Variants in PIK3CD observed in about 807,000 individuals in gnomAD.
The protein encoded by PIK3CD is phosphatidylinositol 4,5-bisphosphate 3-kinase catalytic subunit delta isoform.
Under a neutral mutation model 122.9 loss-of-function variants are expected in PIK3CD, and 20 were observed. The observed-to-expected ratio is 0.16, with a 90% CI of 0.11 to 0.24. The LOEUF (loss-of-function observed/expected upper bound fraction) is 0.24, where lower values mean the gene tolerates loss of function less well. PIK3CD is among the 10% of genes least tolerant of loss of function. The pLI is 1.00. For missense variants in PIK3CD, 787 were observed against 1,406.3 expected, an observed-to-expected ratio of 0.56 and a Z score of 7.04; for synonymous variants, 596 against 593.4, an observed-to-expected ratio of 1.00 and a Z score of -0.06.
intron 1 of PIK3CD, among the ~76,000 whole-genome samples, chr1:9,659,564 C>T (rs905736465): frequency 2.0e-5 from 3 of 152,160 alleles, no homozygotes; most frequent in Admixed American, 6.6e-5. Context: ...GCCCTGGCAG[C>T]CATTCTGCTG....
At position 9,658,258 on chromosome 1, in the gene PIK3CD, C is replaced by T. The variant is rs139846292; in HGVS notation, c.-138+6456C>T. On this transcript the variant is annotated intron_variant, in intron 1 of 23. Transcript: ENST00000377346. ...TAAATTAGCTGGGCCTTGTGATGCA[C>T]GCCTGTAGCCCCAGCTATGTGGAAG... 1.7e-4 allele frequency among the ~76,000 whole-genome samples: 26 copies of T among 151,834 alleles called. No homozygotes were observed. The East Asian group carries it at 2.9e-3, about 17-fold the overall frequency.
At chr1:9,656,847 A>G (rs528140329) in intron 1 of PIK3CD, among the ~76,000 whole-genome samples, 8 of 151,656 alleles carry the variant, frequency 5.3e-5, no homozygotes, top group South Asian at 4.2e-4. Context: ...GGAGGCTGAG[A>G]CAGGAGAATT....
chr1:9,659,934 AGAC>A (rs1264865107), intron 1 of PIK3CD, among the ~76,000 whole-genome samples: 1 of 151,942 alleles, frequency 6.6e-6, no homozygotes, highest in Non-Finnish European at 1.5e-5. Flanking sequence ...TATTTTTTTG[AGAC>A]GGATTTTTGC....
At chr1:9,654,967 G>A (rs1434273146) in intron 1 of PIK3CD, among the ~76,000 whole-genome samples, 1 of 151,952 alleles carries the variant, frequency 6.6e-6, no homozygotes, top group Non-Finnish European at 1.5e-5. Flanking sequence ...CTTGGGAGGT[G>A]GAGGCAGGAG....
the PIK3CD span, among the ~76,000 whole-genome samples, chr1:9,645,127 G>A: frequency 2.0e-5 from 3 of 149,452 alleles, no homozygotes; most frequent in South Asian, 4.2e-4. Context: ...CTGGGTTCAA[G>A]TGATTCTCCT....
the PIK3CD span, among the ~76,000 whole-genome samples, chr1:9,646,313 G>A: frequency 6.6e-6 from 1 of 152,092 alleles, no homozygotes; most frequent in Non-Finnish European, 1.5e-5. Flanking sequence ...TTCATAGTTG[G>A]GACAGCCCGC....
chr1:9,720,630 A>C lies in PIK3CD; in HGVS notation c.1490A>C (p.His497Pro). The change falls in exon 12 of 24, where the codon CAC becomes CCC. Residue 497 changes from histidine (H) to proline (P), a missense_variant. Around this residue, in one of 6 missense-constraint regions of PIK3CD, gnomAD observed 592 missense variants for 920.6 expected, o/e 0.64. Coordinates refer to ENST00000377346, the MANE Select transcript of PIK3CD (RefSeq NM_005026.5). The surrounding 1 kb of genome is among the most constrained non-coding windows in gnomAD (Gnocchi z 9.0). ...TTGCAGATCTTGGAGCTGGGGCGACACAGCGAGTGTGTGCATGTCACCGAG... is the reference window on the plus strand; with the variant it reads ...TTGCAGATCTTGGAGCTGGGGCGACCCAGCGAGTGTGTGCATGTCACCGAG... ...ALEKILELGR[H>P]SECVHVTEEE... 1 of 1,326,366 alleles carries C rather than the reference A, an allele frequency of 7.5e-7. No individual in the cohort carries two copies. Among genetic ancestry groups the C allele is most frequent in the Non-Finnish European group, 9.9e-7 (1 of 1,010,792 alleles). 82.2% of individuals were successfully genotyped at this position (1,326,366 alleles called of 1,614,324 possible).
intron 1 of PIK3CD, among the ~76,000 whole-genome samples, chr1:9,666,220 G>A (rs1326768900): frequency 8.2e-6 from 1 of 122,650 alleles, no homozygotes; most frequent in Non-Finnish European, 1.6e-5. Context: ...GAGCCACCGC[G>A]CCCGGTCTTT....
Position 9,690,670 on chromosome 1 carries a change from G to T in PIK3CD, c.-137-797G>T, listed in dbSNP as rs1011744107. Among the ~76,000 whole-genome samples, 5 of 152,326 alleles carry T rather than the reference G, an allele frequency of 3.3e-5. No individual in the cohort carries two copies. In the South Asian group the frequency reaches 1.0e-3, roughly 32 times the overall value. The stretch of plus-strand genomic sequence containing the variant: ...GATAGAGGCCGCAGGGAGGACTCCA[G>T]CTTGGTCCTTGGGAGATGTGTTCCT... On this transcript the variant is annotated intron_variant, in intron 1 of 23. Coordinates refer to ENST00000377346, the MANE Select transcript of PIK3CD (RefSeq NM_005026.5).
upstream of PIK3CD, chr1:9,651,619 AC>A (rs983006441): frequency 6.6e-6 from 1 of 151,972 alleles, no homozygotes; most frequent in African/African-American, 2.4e-5. Context: ...GCCCTGGAGG[AC>A]CTGTTGTTTT....
chr1:9,677,700 G>A (rs962433915), intron 1 of PIK3CD, among the ~76,000 whole-genome samples: 2 of 151,156 alleles, frequency 1.3e-5, no homozygotes, highest in African/African-American at 4.9e-5. Context: ...ATTATAGGCC[G>A]TGATCTTCCA....
Position 9,721,544 on chromosome 1 carries a change from C to T in PIK3CD, c.1912C>T (p.Leu638=). The part of the protein sequence containing the change: ...ELTKFLLDRA[L]ANRKIGHFLF... ...GACCAAATTCCTGCTGGACCGGGCC[C>T]TGGCCAACCGCAAGATCGGCCACTT... is the stretch of plus-strand genomic sequence containing the variant. The change falls in exon 15 of 24, where the codon CTG becomes TTG. Residue 638 remains leucine (L), a synonymous_variant. Coordinates refer to ENST00000377346, the MANE Select transcript of PIK3CD (RefSeq NM_005026.5). 6.2e-7 allele frequency: 1 copy of T among 1,613,798 alleles called. No homozygotes were observed. Among genetic ancestry groups the T allele is most frequent in the Non-Finnish European group, 8.5e-7 (1 of 1,180,034 alleles).
At chr1:9,713,006 T>A (rs1321206199) in intron 3 of PIK3CD, among the ~76,000 whole-genome samples, 1 of 151,960 alleles carries the variant, frequency 6.6e-6, no homozygotes, top group Non-Finnish European at 1.5e-5. Context: ...ACAAGGTGAA[T>A]CCCCATCTCT....
chr1:9,650,165 T>G (rs1354764748), upstream of PIK3CD, among the ~76,000 whole-genome samples: 1 of 152,166 alleles, frequency 6.6e-6, no homozygotes, highest in Non-Finnish European at 1.5e-5. Context: ...GGTTCACGCC[T>G]GTAATCCCAG....
chr1:9,669,088 G>C (rs1645246197), intron 1 of PIK3CD, among the ~76,000 whole-genome samples: 1 of 152,188 alleles, frequency 6.6e-6, no homozygotes, highest in Non-Finnish European at 1.5e-5. Context: ...AGGTATTTCA[G>C]GGGACAGAAT....
intron 1 of PIK3CD, among the ~76,000 whole-genome samples, chr1:9,680,436 C>A (rs1324909074): frequency 6.6e-6 from 1 of 151,546 alleles, no homozygotes; most frequent in Non-Finnish European, 1.5e-5. Flanking sequence ...ATAGTGAGAC[C>A]CTGTCTCTAT....
chr1:9,668,750 GA>G (rs1315078492), intron 1 of PIK3CD, among the ~76,000 whole-genome samples: 1 of 152,180 alleles, frequency 6.6e-6, no homozygotes, highest in Non-Finnish European at 1.5e-5. Flanking sequence ...GATGGTCCCA[GA>G]AGGGGAGCTG....
Position 9,724,185 on chromosome 1 carries a change from G to C in PIK3CD, c.2719-91G>C. 3.7e-6 allele frequency: 6 copies of C among 1,613,260 alleles called. No individual in the cohort carries two copies. The highest frequency in any genetic ancestry group is 1.3e-5 in the African/African-American group (1 of 75,000). ...GCCTAGCACACAGCTCTGTGGCAGG[G>C]GTCCCCCAGCCCTGCTGGCTTCCTG... On this transcript the variant is annotated intron_variant, in intron 21 of 23. Transcript: ENST00000377346. The surrounding 1 kb of genome is among the most constrained non-coding windows in gnomAD (Gnocchi z 7.3).
chr1:9,692,131 C>G (rs1315224443), intron 2 of PIK3CD, among the ~76,000 whole-genome samples: 1 of 152,142 alleles, frequency 6.6e-6, no homozygotes, highest in Non-Finnish European at 1.5e-5. Flanking sequence ...AGGCCAGAGA[C>G]CGACACTGGC....
Sources: gnomAD v4.1 joint callset for allele counts (sites outside exome capture counted in the v4.1 genomes callset) on GRCh38, gnomAD v4.1.1 for gene constraint, gnomAD v4.1.1 regional missense constraint, Gnocchi (gnomAD v3.1) non-coding constraint, MANE v1.5 for transcripts, NCBI Gene and HGNC (gene_info 2026-07-23, HGNC 2026-07-21) for gene names.